Variants in RPH3A observed in about 807,000 individuals in gnomAD.
RPH3A encodes rabphilin 3A, also known as rabphilin-3A.
Under a neutral mutation model 102.2 loss-of-function variants are expected in RPH3A, and 48 were observed. The observed-to-expected ratio is 0.47, with a 90% confidence interval of 0.37 to 0.60. RPH3A has a LOEUF of 0.60. RPH3A is among the 20% of genes least tolerant of loss of function. The pLI is 0.00. For synonymous variants in RPH3A, 310 were observed against 324.3 expected (o/e 0.96, Z 0.47); for missense variants, 781 against 910.1 (o/e 0.86, Z 1.83).
chr12:112,825,876 A>G (rs1247200582), intron 2 of RPH3A, among the ~76,000 whole-genome samples: 3 of 152,202 alleles, frequency 2.0e-5, no homozygotes, highest in Non-Finnish European at 4.4e-5. Context: ...AGAATGGAGA[A>G]GCGGGAGGAG....
chr12:112,598,945 GA>G (rs2039537917), intron 1 of RPH3A, among the ~76,000 whole-genome samples: 2 of 152,296 alleles, frequency 1.3e-5, no homozygotes, highest in South Asian at 2.1e-4. Context: ...TGCAGACTAT[GA>G]TTTTTTTAGG....
At chr12:112,890,225 T>C in intron 18 of RPH3A, 145 bp downstream of exon 18, 1 of 720,044 alleles carries the variant, frequency 1.4e-6, no homozygotes. Flanking sequence ...AACAACCCTT[T>C]GCCCACAAGT....
At chr12:112,721,865 A>T (rs745769204) in intron 1 of RPH3A, among the ~76,000 whole-genome samples, 3 of 152,224 alleles carry the variant, frequency 2.0e-5, no homozygotes, top group Non-Finnish European at 4.4e-5. Flanking sequence ...CTTATCCAGA[A>T]GTTTATGTCT....
intron 1 of RPH3A, among the ~76,000 whole-genome samples, chr12:112,648,050 A>G (rs888915911): frequency 6.6e-6 from 1 of 152,222 alleles, no homozygotes; most frequent in Non-Finnish European, 1.5e-5. Flanking sequence ...CTATGTTGAA[A>G]GGAATATGTC....
chr12:112,849,973 G>A (rs1184061919), intron 5 of RPH3A, among the ~76,000 whole-genome samples: 1 of 152,210 alleles, frequency 6.6e-6, no homozygotes, highest in Non-Finnish European at 1.5e-5. Flanking sequence ...GGACTGAGCA[G>A]ATCCCAGCTT....
At position 112,577,210 on chromosome 12, in the gene RPH3A, G is replaced by A. The variant is rs535551193; in HGVS notation, c.-140+1891G>A. ...GAATGGCTACTCCATAGGCAGAGCAGCAGCATGGGCTGCGCAGCTGCTTAT... is the reference window on the plus strand; with the variant it reads ...GAATGGCTACTCCATAGGCAGAGCAACAGCATGGGCTGCGCAGCTGCTTAT... On this transcript the variant is annotated intron_variant, in intron 1 of 21. Transcript: ENST00000543106. Among the ~76,000 whole-genome samples the A allele has an allele frequency of 6.6e-5, 10 of 152,344 alleles. No homozygotes were observed. In the South Asian group the frequency reaches 1.7e-3, roughly 25 times the overall value.
intron 1 of RPH3A, among the ~76,000 whole-genome samples, chr12:112,663,057 T>TG (rs2040059520): frequency 9.1e-6 from 1 of 110,342 alleles, no homozygotes; most frequent in African/African-American, 3.6e-5. Flanking sequence ...GGCTAAGTGA[T>TG]TGGTGTGTGT....
intron 1 of RPH3A, among the ~76,000 whole-genome samples, chr12:112,663,946 G>T (rs981977983): frequency 1.3e-5 from 2 of 152,138 alleles, no homozygotes; most frequent in Non-Finnish European, 2.9e-5. Context: ...CAGAAGGATG[G>T]CAGACTCTGA....
chr12:112,891,019 G>C lies in RPH3A; in HGVS notation c.1775+16G>C. On this transcript the variant is annotated intron_variant, in intron 19 of 21. Transcript: ENST00000389385. ...TCGTCAAGCTGTAAGTCAATGCCTT[G>C]GGGCTACAGGTGGGCCCTGAAGGAG... 1 of 1,613,818 alleles carries C rather than the reference G, an allele frequency of 6.2e-7. No homozygotes were observed. The highest frequency in any genetic ancestry group is 8.5e-7 in the Non-Finnish European group (1 of 1,179,882).
intron 1 of RPH3A, among the ~76,000 whole-genome samples, chr12:112,748,787 C>T (rs553940570): frequency 2.0e-5 from 3 of 152,160 alleles, no homozygotes; most frequent in Admixed American, 6.5e-5. Context: ...GCCTGAATGA[C>T]CAGATGTGCC....
intron 3 of RPH3A, 97 bp downstream of exon 3, chr12:112,828,486 G>A: frequency 2.3e-6 from 2 of 853,542 alleles, no homozygotes; most frequent in Non-Finnish European, 3.7e-6. Flanking sequence ...TTCCTTCCCT[G>A]AGGAAGGGGG....
chr12:112,786,553 G>A (rs1050068376), intron 1 of RPH3A, among the ~76,000 whole-genome samples: 1 of 152,194 alleles, frequency 6.6e-6, no homozygotes, highest in Non-Finnish European at 1.5e-5. Flanking sequence ...AAGGAGGAGG[G>A]AGTGAGGAAG....
At chr12:112,847,868 C>T (rs761312439) in intron 5 of RPH3A, 26 bp downstream of exon 5, 1 of 1,610,190 alleles carries the variant, frequency 6.2e-7, no homozygotes, top group South Asian at 1.1e-5. Flanking sequence ...TCCCATTCAC[C>T]CCAGAGCTGC....
intron 1 of RPH3A, among the ~76,000 whole-genome samples, chr12:112,759,209 CGTGTGTGTTT>C (rs1251585096): frequency 5.3e-5 from 8 of 150,770 alleles, no homozygotes; most frequent in East Asian, 1.9e-4. Flanking sequence ...ATCCTCCATT[CGTGTGTGTTT>C]GTGTGTGTTT....
intron 1 of RPH3A, among the ~76,000 whole-genome samples, chr12:112,736,071 G>C (rs1377978563): frequency 6.6e-6 from 1 of 152,052 alleles, no homozygotes; most frequent in Non-Finnish European, 1.5e-5. Context: ...ATCCTTAAAA[G>C]CCCAGCTCAA....
At chr12:112,818,084 G>A (rs926365993) in intron 2 of RPH3A, among the ~76,000 whole-genome samples, 10 of 151,992 alleles carry the variant, frequency 6.6e-5, no homozygotes, top group East Asian at 1.9e-4. Flanking sequence ...AGGCTGAGGC[G>A]GGCAGATCAC....
chr12:112,844,275 A>C (rs1169242100), intron 4 of RPH3A, among the ~76,000 whole-genome samples: 1 of 152,132 alleles, frequency 6.6e-6, no homozygotes, highest in Non-Finnish European at 1.5e-5. Flanking sequence ...AGAGCTAGAG[A>C]TGCTCCTTGT....
intron 1 of RPH3A, among the ~76,000 whole-genome samples, chr12:112,705,032 C>G (rs1473288454): frequency 6.6e-6 from 1 of 152,198 alleles, no homozygotes; most frequent in African/African-American, 2.4e-5. Flanking sequence ...AAAGTTCAAT[C>G]TGGTATGGAG....
chr12:112,619,128 A>C (rs779117186), intron 1 of RPH3A, among the ~76,000 whole-genome samples: 15 of 151,832 alleles, frequency 9.9e-5, no homozygotes, highest in Non-Finnish European at 1.3e-4. Flanking sequence ...TGTTGTTTCT[A>C]CTTTTTGGCT....
Sources: allele counts gnomAD v4.1 joint callset (sites outside exome capture counted in the v4.1 genomes callset), GRCh38; gene constraint gnomAD v4.1.1; transcripts MANE v1.5; gene names NCBI Gene and HGNC (gene_info 2026-07-23, HGNC 2026-07-21).